IFT43: variants seen among roughly 807,000 people sequenced by gnomAD.
IFT43 encodes intraflagellar transport 43, also known as intraflagellar transport protein 43 homolog.
IFT43 carries 33 observed loss-of-function variants against 32.3 expected under a neutral mutation model. The ratio of observed to expected loss-of-function variants is 1.02; its 90% CI spans 0.77 to 1.37. The LOEUF (loss-of-function observed/expected upper bound fraction) is 1.37. IFT43 is among the 40% of genes most tolerant of loss of function. IFT43 has a pLI of 0.00. For synonymous variants in IFT43, 93 were observed against 98.2 expected, an observed-to-expected ratio of 0.95 and a Z score of 0.31; for missense variants, 274 against 265.9, an observed-to-expected ratio of 1.03 and a Z score of -0.21.
intron 5 of IFT43, among the ~76,000 whole-genome samples, chr14:76,080,188 C>T (rs2037484076): frequency 6.6e-6 from 1 of 152,178 alleles, no homozygotes; most frequent in South Asian, 2.1e-4. Context: ...GCTGTCATCG[C>T]TGGCTCTGTC....
intron 2 of IFT43, among the ~76,000 whole-genome samples, chr14:75,995,048 T>G (rs371223856): frequency 1.0e-3 from 152 of 152,338 alleles, no homozygotes; most frequent in African/African-American, 3.5e-3. Flanking sequence ...CATCATAGCT[T>G]ACATTGCAAC....
intron 2 of IFT43, among the ~76,000 whole-genome samples, chr14:76,009,203 G>C (rs2036033754): frequency 1.3e-5 from 2 of 152,196 alleles, no homozygotes; most frequent in Admixed American, 6.5e-5. Flanking sequence ...TCATTGCAAA[G>C]CTCAGGTATC....
chr14:76,080,833 A>G (rs921195333), intron 5 of IFT43, among the ~76,000 whole-genome samples: 1 of 152,254 alleles, frequency 6.6e-6, no homozygotes, highest in Non-Finnish European at 1.5e-5. Context: ...CCAATTCTCT[A>G]GCAGGATAGA....
At chr14:76,070,898 A>G (rs879303239) in intron 5 of IFT43, among the ~76,000 whole-genome samples, 1 of 152,196 alleles carries the variant, frequency 6.6e-6, no homozygotes, top group Non-Finnish European at 1.5e-5. Flanking sequence ...CACAGCCTGT[A>G]GAACCATGAG....
chr14:75,998,343 C>T (rs2139885887), intron 2 of IFT43, among the ~76,000 whole-genome samples: 1 of 152,230 alleles, frequency 6.6e-6, no homozygotes, highest in East Asian at 1.9e-4. Context: ...CTTGTGTATA[C>T]CAGGCTGTGG....
intron 2 of IFT43, among the ~76,000 whole-genome samples, chr14:76,004,934 T>G (rs889060097): frequency 7.9e-5 from 12 of 152,228 alleles, no homozygotes; most frequent in African/African-American, 2.9e-4. Context: ...TCTGTTTCTT[T>G]CCTAGATTTC....
intron 3 of IFT43, among the ~76,000 whole-genome samples, chr14:76,039,607 C>G (rs1285227978): frequency 6.6e-6 from 1 of 152,168 alleles, no homozygotes; most frequent in East Asian, 1.9e-4. Flanking sequence ...CTTTGTATAA[C>G]ATCGTGTCTT....
chr14:76,042,413 C>T (rs988482318), intron 3 of IFT43, among the ~76,000 whole-genome samples: 1 of 152,224 alleles, frequency 6.6e-6, no homozygotes, highest in Non-Finnish European at 1.5e-5. Flanking sequence ...ACACCTGATA[C>T]AGCATCTTTG....
intron 5 of IFT43, among the ~76,000 whole-genome samples, chr14:76,078,817 G>A (rs1053751270): frequency 1.3e-5 from 2 of 152,190 alleles, no homozygotes; most frequent in African/African-American, 4.8e-5. Context: ...CCCTCCTCGG[G>A]CTTTTCAAGG....
chr14:75,997,534 A>T (rs1352051168), intron 2 of IFT43, among the ~76,000 whole-genome samples: 1 of 152,208 alleles, frequency 6.6e-6, no homozygotes, highest in African/African-American at 2.4e-5. Context: ...AGGATTTCAG[A>T]TTCTATTGCA....
intron 5 of IFT43, chr14:76,076,819 A>C: frequency 9.5e-7 from 1 of 1,056,962 alleles, no homozygotes; most frequent in Non-Finnish European, 1.4e-6. Flanking sequence ...GCCAAATGGC[A>C]GTTGCCCTCA....
intron 2 of IFT43, among the ~76,000 whole-genome samples, chr14:75,991,398 T>G (rs1426525136): frequency 7.0e-6 from 1 of 142,290 alleles, no homozygotes; most frequent in Admixed American, 7.0e-5. Context: ...AGTGTGTGTG[T>G]GTGTGTGTGT....
At chr14:76,059,419 C>A (rs768630697) in intron 5 of IFT43, 46 bp downstream of exon 5, 33 of 1,572,030 alleles carry the variant, frequency 2.1e-5, no homozygotes, top group Non-Finnish European at 2.6e-5. Context: ...AGAGAGGCCC[C>A]AGAACATTTC....
At chr14:76,029,129 T>C (rs2036459940) in intron 3 of IFT43, among the ~76,000 whole-genome samples, 1 of 152,172 alleles carries the variant, frequency 6.6e-6, no homozygotes, top group Admixed American at 6.5e-5. Context: ...CACCAACATC[T>C]GTTATTTTTT....
At chr14:76,071,136 C>T (rs539869185) in intron 5 of IFT43, among the ~76,000 whole-genome samples, 52 of 152,200 alleles carry the variant, frequency 3.4e-4, no homozygotes, top group Non-Finnish European at 5.7e-4. Flanking sequence ...ATAGTGGGAA[C>T]GGGGGCCGGG....
chr14:76,047,726 C>G (rs981004994), intron 3 of IFT43, among the ~76,000 whole-genome samples: 3 of 151,686 alleles, frequency 2.0e-5, no homozygotes, highest in Admixed American at 2.0e-4. Flanking sequence ...TGTTCCTTCC[C>G]TCCCTCCTTT....
At chr14:76,047,486 T>G (rs2036830003) in intron 3 of IFT43, among the ~76,000 whole-genome samples, 1 of 152,254 alleles carries the variant, frequency 6.6e-6, no homozygotes, top group African/African-American at 2.4e-5. Context: ...TAAGAGCAGG[T>G]TAACTGTTTA....
intron 2 of IFT43, among the ~76,000 whole-genome samples, chr14:75,992,189 C>T (rs918150295): frequency 6.6e-6 from 1 of 152,180 alleles, no homozygotes; most frequent in African/African-American, 2.4e-5. Flanking sequence ...GAACACAGGG[C>T]TTCGCACCAG....
At chr14:76,037,826 G>A (rs2036630626) in intron 3 of IFT43, among the ~76,000 whole-genome samples, 1 of 152,022 alleles carries the variant, frequency 6.6e-6, no homozygotes, top group Non-Finnish European at 1.5e-5. Context: ...TGGGTCTGTA[G>A]GGCTTGGAAC....
Sources: allele counts gnomAD v4.1 joint callset (sites outside exome capture counted in the v4.1 genomes callset), GRCh38; gene constraint gnomAD v4.1.1; transcripts MANE v1.5; gene names NCBI Gene and HGNC (gene_info 2026-07-23, HGNC 2026-07-21).